Variants in PARD3B observed in about 807,000 individuals in gnomAD.
PARD3B encodes par-3 family cell polarity regulator beta.
Under a neutral mutation model 130.2 loss-of-function variants are expected in PARD3B, and 103 were observed. The observed-to-expected ratio is 0.79, with a 90% CI of 0.67 to 0.93. The LOEUF is 0.93. PARD3B is among the 40% of genes least tolerant of loss of function. The pLI is 0.00. For missense variants in PARD3B, 1,609 were observed against 1,499.2 expected (o/e 1.07, Z -1.21); for synonymous variants, 583 against 553.2 (o/e 1.05, Z -0.76).
chr2:205,388,562 C>T (rs1559044480), intron 18 of PARD3B, among the ~76,000 whole-genome samples: 1 of 152,164 alleles, frequency 6.6e-6, no homozygotes. Flanking sequence ...TTCTGAATTA[C>T]AGGTGATTAG....
intron 3 of PARD3B, among the ~76,000 whole-genome samples, chr2:204,989,278 A>G (rs1575491337): frequency 6.6e-6 from 1 of 152,110 alleles, no homozygotes; most frequent in East Asian, 1.9e-4. Flanking sequence ...AAAGCCAAGT[A>G]TGACTGCCAT....
At chr2:205,477,503 G>A (rs549082776) in intron 20 of PARD3B, among the ~76,000 whole-genome samples, 88 of 152,204 alleles carry the variant, frequency 5.8e-4, no homozygotes, top group Admixed American at 5.0e-3. Flanking sequence ...GATTGGAGGC[G>A]TTGGTTTTAA....
intron 2 of PARD3B, among the ~76,000 whole-genome samples, chr2:204,802,996 A>ATAG (rs1191506422): frequency 2.6e-5 from 4 of 151,298 alleles, no homozygotes; most frequent in African/African-American, 9.7e-5. Context: ...AATAATAATA[A>ATAG]TAATAATAAA....
At chr2:205,213,186 A>G (rs946078659) in intron 15 of PARD3B, among the ~76,000 whole-genome samples, 1 of 151,782 alleles carries the variant, frequency 6.6e-6, no homozygotes, top group Non-Finnish European at 1.5e-5. Context: ...TTCAGGACCC[A>G]TTCAAATCTT....
At chr2:204,808,114 A>T (rs1308021294) in intron 2 of PARD3B, among the ~76,000 whole-genome samples, 1 of 152,048 alleles carries the variant, frequency 6.6e-6, no homozygotes, top group Non-Finnish European at 1.5e-5. Flanking sequence ...ATAAAAATTT[A>T]AAAATTAAAG....
At chr2:204,662,888 A>G (rs1260563559) in intron 1 of PARD3B, among the ~76,000 whole-genome samples, 1 of 152,160 alleles carries the variant, frequency 6.6e-6, no homozygotes, top group Non-Finnish European at 1.5e-5. Context: ...TTTGGACTTG[A>G]GACCCCCAAG....
rs773919935 is a variant in PARD3B at position 205,495,280 on chromosome 2, A to G, written c.3045-4616A>G. On this transcript the variant is annotated intron_variant, in intron 20 of 22. Coordinates refer to ENST00000406610, the MANE Select transcript of PARD3B (RefSeq NM_001302769.2). Reference sequence around the variant, plus strand: ...GTAATTTATTTTTAAAATCATTACAATATACATCATGTTATTATACTGCTT... The same window carrying G: ...GTAATTTATTTTTAAAATCATTACAGTATACATCATGTTATTATACTGCTT... Among the ~76,000 whole-genome samples, 6 of 152,348 alleles carry G rather than the reference A, an allele frequency of 3.9e-5. No individual in the cohort carries two copies. In the South Asian group the frequency reaches 1.0e-3, roughly 26 times the overall value.
chr2:204,905,785 G>T (rs772744467), intron 2 of PARD3B, among the ~76,000 whole-genome samples: 10 of 152,184 alleles, frequency 6.6e-5, no homozygotes, highest in Non-Finnish European at 1.2e-4. Context: ...ATGTGCTCAA[G>T]AGGAATGAAG....
intron 16 of PARD3B, among the ~76,000 whole-genome samples, chr2:205,249,156 T>C (rs1442209699): frequency 1.3e-5 from 2 of 151,086 alleles, no homozygotes; most frequent in East Asian, 3.9e-4. Flanking sequence ...ATTACAGGCA[T>C]GTGTGTGGTG....
intron 11 of PARD3B, among the ~76,000 whole-genome samples, chr2:205,165,866 C>T (rs1019406457): frequency 5.9e-5 from 9 of 151,986 alleles, no homozygotes; most frequent in African/African-American, 2.2e-4. Flanking sequence ...AACTGAATTA[C>T]ATAAATTTAA....
chr2:205,608,743 T>C (rs938499148), intron 22 of PARD3B, among the ~76,000 whole-genome samples: 1 of 152,194 alleles, frequency 6.6e-6, no homozygotes, highest in Non-Finnish European at 1.5e-5. Flanking sequence ...CCAAAACTCA[T>C]TGCACACGCA....
intron 3 of PARD3B, among the ~76,000 whole-genome samples, chr2:204,998,038 G>A (rs1276180725): frequency 1.3e-5 from 2 of 149,068 alleles, no homozygotes; most frequent in Non-Finnish European, 3.0e-5. Context: ...TCTTATTAAG[G>A]TTATGAATAA....
rs374810146 is a variant in PARD3B at position 204,545,999 on chromosome 2, G to T, written c.-1G>T. ...GCCCGGCGTGGTCGCCGGGGGCCAG[G>T]ATGAAAGTGACCGTGTGCTTCGGCA... On this transcript the variant is annotated 5_prime_UTR_variant, in exon 1 of 23. Coordinates refer to ENST00000406610, the MANE Select transcript of PARD3B (RefSeq NM_001302769.2). 4.1e-4 allele frequency: 648 copies of T among 1,564,650 alleles called. No homozygotes were observed. Among genetic ancestry groups the T allele is most frequent in the Non-Finnish European group, 5.3e-4 (614 of 1,154,400 alleles).
At chr2:205,368,860 CA>C (rs76938901) in intron 18 of PARD3B, among the ~76,000 whole-genome samples, 99,851 of 146,908 alleles carry the variant, frequency 0.68, 34,073 homozygotes, top group Admixed American at 0.8. Flanking sequence ...CTTGGGAAAA[CA>C]AAAAAAAAAA....
chr2:205,383,083 C>CACAG (rs2045512523), intron 18 of PARD3B, among the ~76,000 whole-genome samples: 3 of 78,482 alleles, frequency 3.8e-5, no homozygotes, highest in Non-Finnish European at 1.1e-4. Context: ...GGAAAGTTTA[C>CACAG]ATAGATAGAT....
intron 18 of PARD3B, among the ~76,000 whole-genome samples, chr2:205,308,088 C>G (rs1214202598): frequency 6.6e-6 from 1 of 152,164 alleles, no homozygotes; most frequent in Non-Finnish European, 1.5e-5. Flanking sequence ...TATTGAAAGC[C>G]TTGTCTTTGC....
chr2:205,437,635 C>T (rs973069686), intron 19 of PARD3B, among the ~76,000 whole-genome samples: 4 of 151,958 alleles, frequency 2.6e-5, no homozygotes, highest in East Asian at 3.9e-4. Context: ...TTATATTGGA[C>T]GGTGCAGATC....
At position 205,060,205 on chromosome 2, in the gene PARD3B, C is replaced by G. The variant is rs1038819466; in HGVS notation, c.504+12515C>G. 9.2e-5 allele frequency among the ~76,000 whole-genome samples: 14 copies of G among 152,054 alleles called. 1 individual carries two copies. Among genetic ancestry groups the G allele is most frequent in the African/African-American group, 3.4e-4 (14 of 41,442 alleles). On this transcript the variant is annotated intron_variant, in intron 4 of 22. Transcript: ENST00000406610. Reference sequence around the variant, plus strand: ...TGAAACTGCCTCAAAGCCAGTTTATCAGCCCCTCCTCCTAAAAAAAGTCAT... The same window carrying G: ...TGAAACTGCCTCAAAGCCAGTTTATGAGCCCCTCCTCCTAAAAAAAGTCAT...
rs13394716 is a variant in PARD3B at position 204,948,466 on chromosome 2, A to G, written c.223-16686A>G. ...TGAGAATAATTTGCATGTTACATGG[A>G]GCACTTACTTGAGACTTCCGTTTAG... On this transcript the variant is annotated intron_variant, in intron 2 of 22. Transcript: ENST00000406610. 2.1e-3 allele frequency among the ~76,000 whole-genome samples: 320 copies of G among 152,310 alleles called. 2 individuals are homozygous for G. The highest frequency in any genetic ancestry group is 7.5e-3 in the African/African-American group (310 of 41,562).
Sources: gnomAD v4.1 joint callset for allele counts (sites outside exome capture counted in the v4.1 genomes callset) on GRCh38, gnomAD v4.1.1 for gene constraint, MANE v1.5 for transcripts, NCBI Gene and HGNC (gene_info 2026-07-23, HGNC 2026-07-21) for gene names.